MTMR6: variants seen among roughly 807,000 people sequenced by gnomAD.
MTMR6 encodes the protein phosphatidylinositol-3,5-bisphosphate 3-phosphatase MTMR6.
A neutral mutation model predicts 80.1 loss-of-function variants in MTMR6; 47 were observed. The ratio of observed to expected loss-of-function variants is 0.59; its 90% confidence interval spans 0.46 to 0.75. The LOEUF (loss-of-function observed/expected upper bound fraction) is 0.75. MTMR6 is among the 30% of genes least tolerant of loss of function. The probability of loss-of-function intolerance (pLI) is 0.00; values close to 1 mark genes in which losing one functional copy is unlikely to be tolerated. For synonymous variants in MTMR6, 254 were observed against 253.0 expected, an observed-to-expected ratio of 1.00 and a Z score of -0.04; for missense variants, 629 against 730.9, an observed-to-expected ratio of 0.86 and a Z score of 1.61.
Position 25,266,095 on chromosome 13 carries a change from C to G in MTMR6, c.462+34G>C, listed in dbSNP as rs375609286. The G allele has an allele frequency of 1.3e-4, 214 of 1,610,294 alleles. 1 individual carries two copies. The African/African-American group carries it at 2.1e-3, about 16-fold the overall frequency. ...ACTCTCTAACCCTCTGGTACTAACA[C>G]TTTCTGAATTTCTCCAAAATGTTGT... On this transcript the variant is annotated intron_variant, in intron 4 of 13. Coordinates refer to ENST00000381801, the MANE Select transcript of MTMR6 (RefSeq NM_004685.5).
rs375748394 is a variant in MTMR6, at chr13:25,262,793, C to T, written c.592-991G>A. Reference sequence around the variant, plus strand: ...ATTTTAAACTCACAAAATAAAACCACGAAAATATGATAAAACAGTAGAAAA... The same window carrying T: ...ATTTTAAACTCACAAAATAAAACCATGAAAATATGATAAAACAGTAGAAAA... On this transcript the variant is annotated intron_variant, in intron 5 of 13. Coordinates refer to ENST00000381801, the MANE Select transcript of MTMR6 (RefSeq NM_004685.5). 5.9e-5 allele frequency among the ~76,000 whole-genome samples: 9 copies of T among 152,312 alleles called. No individual in the cohort carries two copies. The South Asian group carries it at 8.3e-4, about 14-fold the overall frequency.
chr13:25,251,847 A>G lies in MTMR6; in HGVS notation c.1478+6T>C. ...AAGTATAAATACTCCAATGATGTCA[A>G]CTTACTTAAAATTGAAAGATACTGT... On this transcript the variant is annotated splice_donor_region_variant and intron_variant, in intron 12 of 13. Coordinates refer to ENST00000381801, the MANE Select transcript of MTMR6 (RefSeq NM_004685.5). This position sits in a 1 kb window ranked among gnomAD's most constrained non-coding sequence, Gnocchi z 4.1. The G allele has an allele frequency of 6.2e-7, 1 of 1,605,798 alleles. No homozygotes were observed. Among genetic ancestry groups the G allele is most frequent in the Non-Finnish European group, 8.5e-7 (1 of 1,177,872 alleles).
At chr13:25,276,991 T>C (rs1171021800) in intron 1 of MTMR6, among the ~76,000 whole-genome samples, 1 of 152,220 alleles carries the variant, frequency 6.6e-6, no homozygotes, top group African/African-American at 2.4e-5. Context: ...GTCATAAACC[T>C]ATGTGATCTG....
chr13:25,285,654 C>T (rs1957941621), intron 1 of MTMR6, among the ~76,000 whole-genome samples: 3 of 152,042 alleles, frequency 2.0e-5, no homozygotes, highest in African/African-American at 7.3e-5. Flanking sequence ...CCTGCCTCAG[C>T]CTCTGAGTAG....
intron 8 of MTMR6, 69 bp from the exon 9 acceptor site, chr13:25,257,390 T>C: frequency 3.2e-6 from 5 of 1,555,864 alleles, no homozygotes; most frequent in Non-Finnish European, 3.5e-6. Context: ...TTGAAAATCA[T>C]ACTAGCAGGT....
At position 25,263,580 on chromosome 13, in the gene MTMR6, A is replaced by G. The variant is rs144319505; in HGVS notation, c.592-1778T>C. ...AGAGGTTTGTTCTTTAAGGAAACCA[A>G]CTTATACAACAGAAAGAATCCCAAA... On this transcript the variant is annotated intron_variant, in intron 5 of 13. Transcript: ENST00000381801. Among the ~76,000 whole-genome samples the G allele has an allele frequency of 2.6e-3, 392 of 152,318 alleles. 3 individuals are homozygous for G. The highest frequency in any genetic ancestry group is 8.9e-3 in the African/African-American group (370 of 41,586).
rs751445245 is a variant in MTMR6 at position 25,257,858 on chromosome 13, TA to T, written c.860-14del. On this transcript the variant is annotated splice_polypyrimidine_tract_variant and intron_variant, in intron 7 of 13. Transcript: ENST00000381801. Reference sequence around the variant, plus strand: ...TTAGTGCCATTGACTGAAAGAGGTATAAAAATATTTCAATTAGAATATGGCT... The same window carrying T: ...TTAGTGCCATTGACTGAAAGAGGTATAAAATATTTCAATTAGAATATGGCT... 1.1e-5 allele frequency: 18 copies of T among 1,576,206 alleles called. No individual in the cohort carries two copies. Among genetic ancestry groups the T allele is most frequent in the Non-Finnish European group, 1.6e-5 (18 of 1,149,848 alleles).
chr13:25,273,845 T>C lies in MTMR6; in HGVS notation c.141+226A>G, dbSNP rs536239545. Among the ~76,000 whole-genome samples the C allele has an allele frequency of 1.2e-4, 19 of 152,276 alleles. No individual in the cohort carries two copies. In the South Asian group the frequency reaches 3.9e-3, roughly 32 times the overall value. On this transcript the variant is annotated intron_variant, in intron 2 of 13. Coordinates refer to ENST00000381801, the MANE Select transcript of MTMR6 (RefSeq NM_004685.5). Reference sequence around the variant, plus strand: ...CGGCCTAGGAACAACAGGTATTTCATAATTATTTATGGAGATAAGAGTGTG... The same window carrying C: ...CGGCCTAGGAACAACAGGTATTTCACAATTATTTATGGAGATAAGAGTGTG...
rs1481277402 is a variant in MTMR6 at position 25,249,188 on chromosome 13, T to A, written c.*44A>T. ...TGCTTACAGACCATCCTCACAATAA[T>A]CCTTTTCTTGTACTGCAATCATTGC... is the stretch of plus-strand genomic sequence containing the variant. On this transcript the variant is annotated 3_prime_UTR_variant, in exon 14 of 14. Transcript: ENST00000381801. 4 of 1,591,384 alleles carry A rather than the reference T, an allele frequency of 2.5e-6. No homozygotes were observed. The highest frequency in any genetic ancestry group is 1.1e-5 in the South Asian group (1 of 88,800).
intron 2 of MTMR6, among the ~76,000 whole-genome samples, chr13:25,273,864 G>C (rs1276978292): frequency 6.6e-6 from 1 of 152,150 alleles, no homozygotes; most frequent in Non-Finnish European, 1.5e-5. Context: ...ATGGAGATAA[G>C]AGTGTGGTAT....
rs1252898100 is a variant in MTMR6, at chr13:25,251,573, A to T, written c.1605+76T>A. On this transcript the variant is annotated intron_variant, in intron 13 of 13. Transcript: ENST00000381801. This position sits in a 1 kb window ranked among gnomAD's most constrained non-coding sequence, Gnocchi z 4.1. ...TTCAGAAGTTTATGTGCTGATTTACACCAACAATACAAATATTAGTCTAAT... is the reference window on the plus strand; with the variant it reads ...TTCAGAAGTTTATGTGCTGATTTACTCCAACAATACAAATATTAGTCTAAT... 1 of 1,286,232 alleles carries T rather than the reference A, an allele frequency of 7.8e-7. No homozygotes were observed. Among genetic ancestry groups the T allele is most frequent in the African/African-American group, 1.5e-5 (1 of 66,020 alleles). The allele number at this position is 1,286,232 out of a possible 1,614,324, so 79.7% of individuals were successfully genotyped here.
At chr13:25,274,336 T>A (rs1383579617) in intron 1 of MTMR6, 149 bp from the exon 2 acceptor site, 5 of 554,098 alleles carry the variant, frequency 9.0e-6, no homozygotes, top group African/African-American at 1.9e-5. Context: ...ATTCCATATA[T>A]CTTTTTGGGG....
chr13:25,258,935 T>C (rs1407281359), intron 6 of MTMR6, among the ~76,000 whole-genome samples: 2 of 152,192 alleles, frequency 1.3e-5, no homozygotes, highest in Non-Finnish European at 1.5e-5. Context: ...CATAAGTTCA[T>C]GAAACCAATT....
At chr13:25,267,675 CA>C in intron 3 of MTMR6, 103 bp downstream of exon 3, 1 of 1,196,076 alleles carries the variant, frequency 8.4e-7, no homozygotes, top group Non-Finnish European at 1.2e-6. Flanking sequence ...ACCTGACTGT[CA>C]GAGCAAAAAA....
chr13:25,253,985 A>C, intron 10 of MTMR6, 21 bp from the exon 11 acceptor site: 1 of 1,611,932 alleles, frequency 6.2e-7, no homozygotes, highest in Non-Finnish European at 8.5e-7. Context: ...AGAAAGTATA[A>C]GCTTTTAAAA....
rs71077456 is a variant in MTMR6, at chr13:25,274,961, T to TACACACACACACACACACACACACAC, written c.25-800_25-775dup. On this transcript the variant is annotated intron_variant, in intron 1 of 13. Coordinates refer to ENST00000381801, the MANE Select transcript of MTMR6 (RefSeq NM_004685.5). Reference sequence around the variant, plus strand: ...ACAGACACACACACACACACACACATACACACACACACACACACACACACA... The same window carrying TACACACACACACACACACACACACAC: ...ACAGACACACACACACACACACACATACACACACACACACACACACACACACACACACACACACACACACACACACA... Among the ~76,000 whole-genome samples the TACACACACACACACACACACACACAC allele has an allele frequency of 2.9e-3, 306 of 105,046 alleles. 34 individuals are homozygous for TACACACACACACACACACACACACAC. Among genetic ancestry groups the TACACACACACACACACACACACACAC allele is most frequent in the Middle Eastern group, 6.0e-3 (1 of 166 alleles). 68.9% of individuals were successfully genotyped at this position (105,046 alleles called of 152,430 possible).
Position 25,274,202 on chromosome 13 carries a change from G to A in MTMR6, c.25-15C>T, listed in dbSNP as rs780356387. 8.7e-6 allele frequency: 13 copies of A among 1,497,538 alleles called. No individual in the cohort carries two copies. Among genetic ancestry groups the A allele is most frequent in the South Asian group, 1.2e-5 (1 of 85,062 alleles). 92.8% of individuals were successfully genotyped at this position (1,497,538 alleles called of 1,614,324 possible). A position where few individuals can be genotyped will look rare whatever the true frequency, so the allele number is the denominator to read the frequency against. On this transcript the variant is annotated splice_polypyrimidine_tract_variant and intron_variant, in intron 1 of 13. Coordinates refer to ENST00000381801, the MANE Select transcript of MTMR6 (RefSeq NM_004685.5). The stretch of plus-strand genomic sequence containing the variant: ...ACTTGTTCGACCTAAAAGAAAAAAA[G>A]ATATTATTTCTCATTTCAAAAGTAG...
In MTMR6 at chr13:25,249,348, T is replaced by C. The variant is rs914138599; in HGVS notation, c.1750A>G (p.Thr584Ala). Residue 584 changes from threonine to alanine, a missense_variant, in exon 14 of 14, where the codon ACT becomes GCT. Physicochemically the swap from Thr to Ala is moderately conservative, Grantham distance 58. Transcript: ENST00000381801. ...TLLPVNDALR[T>A]IEGSSPADNR... ...TCTGCCGGGCTGCTGCCCTCTATAG[T>C]TCGAAGAGCATCATTTACGGGTAGC... 1 of 1,614,168 alleles carries C rather than the reference T, an allele frequency of 6.2e-7. No homozygotes were observed. Among genetic ancestry groups the C allele is most frequent in the Non-Finnish European group, 8.5e-7 (1 of 1,179,990 alleles).
chr13:25,275,450 GTTAA>G (rs879298199), intron 1 of MTMR6, among the ~76,000 whole-genome samples: 13 of 151,940 alleles, frequency 8.6e-5, no homozygotes, highest in Non-Finnish European at 1.5e-4. Context: ...ACAAACAAAA[GTTAA>G]TTTATGTGTA....
Sources: allele counts gnomAD v4.1 joint callset (sites outside exome capture counted in the v4.1 genomes callset), GRCh38; gene constraint gnomAD v4.1.1; non-coding constraint Gnocchi (gnomAD v3.1); transcripts MANE v1.5; gene names NCBI Gene and HGNC (gene_info 2026-07-23, HGNC 2026-07-21).